Variants in ARHGEF38 observed in about 807,000 individuals in gnomAD.
ARHGEF38 encodes Rho guanine nucleotide exchange factor 38.
ARHGEF38 carries 79 observed loss-of-function variants against 79.9 expected under a neutral mutation model. That is an observed-to-expected ratio of 0.99 (90% CI 0.82 to 1.19). ARHGEF38 has a LOEUF of 1.19. Among genes scored for constraint, ARHGEF38 ranks in the 50% most tolerant of loss-of-function variants. The pLI is 0.00. For synonymous variants in ARHGEF38, 366 were observed against 328.3 expected (o/e 1.11, Z -1.24); for missense variants, 962 against 907.2 (o/e 1.06, Z -0.78).
rs527886082 is a variant in ARHGEF38 at position 105,621,990 on chromosome 4, T to A, written c.508+8483T>A. 2.0e-5 allele frequency among the ~76,000 whole-genome samples: 3 copies of A among 152,142 alleles called. No individual in the cohort carries two copies. The South Asian group carries it at 6.2e-4, about 32-fold the overall frequency. On this transcript the variant is annotated intron_variant, in intron 3 of 13. Coordinates refer to ENST00000420470, the MANE Select transcript of ARHGEF38 (RefSeq NM_001242729.2). ...ATTTTCAGGATCAAGGATACACCAATCCTCACAAGAAAGAAAAAATCAGCA... is the reference window on the plus strand; with the variant it reads ...ATTTTCAGGATCAAGGATACACCAAACCTCACAAGAAAGAAAAAATCAGCA...
chr4:105,568,411 C>T (rs9760233), intron 1 of ARHGEF38, among the ~76,000 whole-genome samples: 3,728 of 151,600 alleles, frequency 0.025, 74 homozygotes, highest in Non-Finnish European at 0.04. Flanking sequence ...ACTAGTTCAA[C>T]CATTGTGGAA....
rs59437354 is a variant in ARHGEF38 at position 105,561,400 on chromosome 4, T to TAGAA, written c.196+8440_196+8441insGAAA. Among the ~76,000 whole-genome samples the TAGAA allele has an allele frequency of 2.5e-3, 76 of 30,176 alleles. 5 individuals carry two copies. The highest frequency in any genetic ancestry group is 9.2e-3 in the African/African-American group (74 of 8,084). The allele number at this position is 30,176 out of a possible 152,430, so 19.8% of individuals were successfully genotyped here. ...CTGGAGTCTCAAAAATAGAGTAGAA[T>TAGAA]AATAGAATAGAATAGAATAGAATGG... On this transcript the variant is annotated intron_variant, in intron 1 of 13. Coordinates refer to ENST00000420470, the MANE Select transcript of ARHGEF38 (RefSeq NM_001242729.2).
chr4:105,670,212 A>T (rs1227960522), intron 13 of ARHGEF38, among the ~76,000 whole-genome samples: 1 of 152,206 alleles, frequency 6.6e-6, no homozygotes, highest in African/African-American at 2.4e-5. Context: ...GCCAAACTGT[A>T]ATCCAAAGTG....
intron 1 of ARHGEF38, among the ~76,000 whole-genome samples, chr4:105,573,950 A>G (rs1377534116): frequency 3.9e-5 from 6 of 152,092 alleles, no homozygotes; most frequent in East Asian, 1.9e-4. Flanking sequence ...AGGTTAAGTC[A>G]TAAGTATTTC....
intron 10 of ARHGEF38, among the ~76,000 whole-genome samples, chr4:105,660,586 T>C (rs1578357590): frequency 6.6e-6 from 1 of 152,032 alleles, no homozygotes; most frequent in Non-Finnish European, 1.5e-5. Context: ...ATTACAGGCA[T>C]GTGCCATCAA....
chr4:105,613,351 T>A, intron 2 of ARHGEF38, 33 bp from the exon 3 acceptor site: 1 of 1,606,022 alleles, frequency 6.2e-7, no homozygotes, highest in Non-Finnish European at 8.5e-7. Flanking sequence ...ATACAGTGCT[T>A]CTCCATCAGC....
chr4:105,649,447 T>G (rs1027121517), intron 7 of ARHGEF38, among the ~76,000 whole-genome samples: 1 of 152,218 alleles, frequency 6.6e-6, no homozygotes, highest in Non-Finnish European at 1.5e-5. Flanking sequence ...CCAATGATTT[T>G]AAAGTAAGTT....
intron 2 of ARHGEF38, among the ~76,000 whole-genome samples, chr4:105,594,200 G>A (rs775161174): frequency 3.9e-5 from 6 of 152,026 alleles, no homozygotes; most frequent in Non-Finnish European, 7.4e-5. Context: ...ATAAATGTTC[G>A]GGTACTCATA....
chr4:105,652,827 T>C (rs1178865398), intron 7 of ARHGEF38, among the ~76,000 whole-genome samples: 2 of 152,198 alleles, frequency 1.3e-5, no homozygotes, highest in Non-Finnish European at 2.9e-5. Flanking sequence ...TCCAAAGAAC[T>C]CTGCTGCCTA....
chr4:105,666,081 A>T, intron 10 of ARHGEF38, 96 bp from the exon 11 acceptor site: 3 of 1,085,926 alleles, frequency 2.8e-6, no homozygotes, highest in Non-Finnish European at 3.6e-6. Context: ...GAGCTACCAT[A>T]TACCTCCTCA....
intron 10 of ARHGEF38, among the ~76,000 whole-genome samples, chr4:105,660,881 T>G (rs981091074): frequency 1.3e-5 from 2 of 152,330 alleles, no homozygotes; most frequent in Middle Eastern, 3.4e-3. Context: ...AAGTATACAA[T>G]TTGATTATTT....
chr4:105,597,889 T>G (rs528940979), intron 2 of ARHGEF38, among the ~76,000 whole-genome samples: 4 of 152,276 alleles, frequency 2.6e-5, no homozygotes, highest in Admixed American at 2.6e-4. Flanking sequence ...TGCCCTTATT[T>G]TCTCTATCTT....
intron 5 of ARHGEF38, among the ~76,000 whole-genome samples, chr4:105,639,661 A>G (rs558973221): frequency 1.3e-5 from 2 of 152,142 alleles, no homozygotes; most frequent in South Asian, 2.1e-4. Context: ...AGGATTGTCA[A>G]ATTTACCATG....
chr4:105,634,164 G>A (rs2110522332), intron 4 of ARHGEF38, among the ~76,000 whole-genome samples: 1 of 152,216 alleles, frequency 6.6e-6, no homozygotes, highest in South Asian at 2.1e-4. Context: ...CTTTTAACAA[G>A]CCACCTCAGG....
chr4:105,584,442 C>T (rs554216982), intron 1 of ARHGEF38, among the ~76,000 whole-genome samples: 74 of 152,152 alleles, frequency 4.9e-4, no homozygotes, highest in Non-Finnish European at 9.0e-4. Context: ...ATTTAATCTT[C>T]GAAATCACTT....
At chr4:105,607,978 T>A (rs1369555222) in intron 2 of ARHGEF38, among the ~76,000 whole-genome samples, 1 of 151,610 alleles carries the variant, frequency 6.6e-6, no homozygotes, top group East Asian at 1.9e-4. Context: ...TAAAAAAAAA[T>A]GCCATAAACT....
chr4:105,661,751 C>T (rs1730573321), intron 10 of ARHGEF38, among the ~76,000 whole-genome samples: 1 of 151,896 alleles, frequency 6.6e-6, no homozygotes, highest in African/African-American at 2.4e-5. Flanking sequence ...CACTCATGAC[C>T]ATTCCCAGGC....
At chr4:105,662,860 G>A (rs1317484618) in intron 10 of ARHGEF38, among the ~76,000 whole-genome samples, 6 of 152,078 alleles carry the variant, frequency 3.9e-5, no homozygotes, top group African/African-American at 7.2e-5. Flanking sequence ...GGCATTTTCA[G>A]TTTCTATTTT....
chr4:105,555,230 G>C (rs1249646092), intron 1 of ARHGEF38, among the ~76,000 whole-genome samples: 1 of 152,066 alleles, frequency 6.6e-6, no homozygotes, highest in African/African-American at 2.4e-5. Context: ...CTGTGCTTGA[G>C]AAAAATCACC....
Sources: allele counts gnomAD v4.1 joint callset (sites outside exome capture counted in the v4.1 genomes callset), GRCh38; gene constraint gnomAD v4.1.1; transcripts MANE v1.5; gene names NCBI Gene and HGNC (gene_info 2026-07-23, HGNC 2026-07-21).